N4BP2: variants seen among roughly 807,000 people sequenced by gnomAD.
N4BP2 encodes the protein NEDD4 binding protein 2, also known as NEDD4-binding protein 2.
A neutral mutation model predicts 152.8 loss-of-function variants in N4BP2; 91 were observed. That is an observed-to-expected ratio of 0.60 (90% confidence interval 0.50 to 0.71). N4BP2 has a LOEUF of 0.71. Among genes scored for constraint, N4BP2 ranks in the 30% least tolerant of loss-of-function variants. The probability of loss-of-function intolerance (pLI) is 0.00; values close to 1 mark genes in which losing one functional copy is unlikely to be tolerated. For synonymous variants in N4BP2, 646 were observed against 705.3 expected (o/e 0.92, Z 1.33); for missense variants, 1,923 against 2,059.1 (o/e 0.93, Z 1.28).
chr4:40,139,963 C>A (rs1719766265), intron 14 of N4BP2, among the ~76,000 whole-genome samples: 1 of 151,006 alleles, frequency 6.6e-6, no homozygotes, highest in Non-Finnish European at 1.5e-5. Context: ...CCACACCTGG[C>A]TAATTTTTGT....
At chr4:40,082,801 C>T (rs1025039141) in intron 2 of N4BP2, among the ~76,000 whole-genome samples, 2 of 151,852 alleles carry the variant, frequency 1.3e-5, no homozygotes, top group Non-Finnish European at 2.9e-5. Flanking sequence ...CCCGGGTTCA[C>T]GCCATTCTCC....
At chr4:40,112,999 C>T (rs191819413) in intron 6 of N4BP2, among the ~76,000 whole-genome samples, 12 of 152,316 alleles carry the variant, frequency 7.9e-5, no homozygotes, top group Admixed American at 6.5e-4. Context: ...CCACCATGTC[C>T]GGCCGAAAAT....
chr4:40,102,487 A>G lies in N4BP2; in HGVS notation c.642A>G (p.Pro214=). ...ENSGSTLSLN[P]LPSHSVLNES... Reference sequence around the variant, plus strand: ...CTGGTTCTACTTTAAGTTTAAACCCATTACCTTCACATTCAGTTTTGAACG... The same window carrying G: ...CTGGTTCTACTTTAAGTTTAAACCCGTTACCTTCACATTCAGTTTTGAACG... Residue 214 remains proline, a synonymous_variant, in exon 4 of 18, where the codon CCA becomes CCG. Coordinates refer to ENST00000261435, the MANE Select transcript of N4BP2 (RefSeq NM_018177.6). 6.2e-7 allele frequency: 1 copy of G among 1,614,176 alleles called. No individual in the cohort carries two copies.
At chr4:40,078,247 C>T (rs930759202) in intron 2 of N4BP2, among the ~76,000 whole-genome samples, 1 of 151,558 alleles carries the variant, frequency 6.6e-6, no homozygotes, top group African/African-American at 2.4e-5. Context: ...AAGAGATTCT[C>T]ATGCTTCAGT....
At chr4:40,172,191 T>C in the N4BP2 span, among the ~76,000 whole-genome samples, 2 of 152,188 alleles carry the variant, frequency 1.3e-5, no homozygotes, top group Admixed American at 6.5e-5. Context: ...TGGAATTTAC[T>C]GGTGTGAGCC....
intron 11 of N4BP2, 121 bp from the exon 12 acceptor site, chr4:40,126,012 AT>A (rs1718369367): frequency 1.8e-6 from 1 of 546,198 alleles, no homozygotes; most frequent in Non-Finnish European, 3.1e-6. Flanking sequence ...GTTGTGTTAT[AT>A]TTACAAACTG....
rs775710593 is a variant in N4BP2, at chr4:40,121,893, A to G, written c.3782A>G (p.Asp1261Gly). The change falls in exon 9 of 18, where the codon GAT (aspartate) becomes GGT (glycine). Residue 1261 changes from aspartate (D) to glycine (G), a missense_variant. Transcript: ENST00000261435. Reference protein sequence around the residue: ...PGILKATTPKDMSETEKNLVV... With the variant: ...PGILKATTPKGMSETEKNLVV... Reference sequence around the variant, plus strand: ...ATTCTAAAAGCTACTACTCCTAAAGATATGAGTGAAACAGAAAAAAACCTA... The same window carrying G: ...ATTCTAAAAGCTACTACTCCTAAAGGTATGAGTGAAACAGAAAAAAACCTA... The G allele has an allele frequency of 1.2e-6, 2 of 1,604,064 alleles. No individual in the cohort carries two copies. Among genetic ancestry groups the G allele is most frequent in the South Asian group, 2.2e-5 (2 of 89,862 alleles).
rs547540176 is a variant in N4BP2 at position 40,061,272 on chromosome 4, C to A, written c.-212+4242C>A. ...GCAACCTCTGCCTCCCAGGTTCAAG[C>A]GATTCTCCTGCCTCAGCCTCCCGAG... On this transcript the variant is annotated intron_variant, in intron 1 of 17. Transcript: ENST00000261435. 3.8e-3 allele frequency among the ~76,000 whole-genome samples: 577 copies of A among 150,864 alleles called. 5 individuals are homozygous for A. Among genetic ancestry groups the A allele is most frequent in the African/African-American group, 0.013 (551 of 41,086 alleles).
At chr4:40,073,310 A>C (rs1383340477) in intron 1 of N4BP2, 145 bp from the exon 2 acceptor site, 2 of 152,172 alleles carry the variant, frequency 1.3e-5, no homozygotes, top group African/African-American at 4.8e-5. Context: ...CAATAAGTGC[A>C]GTCTTTCTTG....
At chr4:40,104,807 C>CTTT (rs397976537) in intron 4 of N4BP2, among the ~76,000 whole-genome samples, 1 of 142,544 alleles carries the variant, frequency 7.0e-6, no homozygotes, top group African/African-American at 2.6e-5. Context: ...CCTGCGTTGT[C>CTTT]TTTTTTTTTT....
chr4:40,123,026 G>T, intron 9 of N4BP2, 101 bp from the exon 10 acceptor site: 1 of 658,724 alleles, frequency 1.5e-6, no homozygotes, highest in Non-Finnish European at 2.7e-6. Flanking sequence ...GGAATTAATA[G>T]TACAAGTTAG....
chr4:40,165,390 A>G, the N4BP2 span, among the ~76,000 whole-genome samples: 3 of 152,142 alleles, frequency 2.0e-5, no homozygotes, highest in African/African-American at 7.2e-5. Context: ...CTAGAACTAC[A>G]GGTGTGCGGC....
intron 2 of N4BP2, among the ~76,000 whole-genome samples, chr4:40,085,580 CAGAGTCGCT>C (rs1440481749): frequency 1.1e-4 from 16 of 152,098 alleles, no homozygotes; most frequent in African/African-American, 3.9e-4. Context: ...CCTAAGCTTC[CAGAGTCGCT>C]GGAATTACAG....
chr4:40,113,298 G>A (rs1457072871), intron 6 of N4BP2, 134 bp from the exon 7 acceptor site: 2 of 607,810 alleles, frequency 3.3e-6, no homozygotes, highest in Non-Finnish European at 2.9e-6. Flanking sequence ...TAAAGTGATT[G>A]TATATTTTGC....
In N4BP2 at chr4:40,121,018, T is replaced by C. The variant is rs2109996333; in HGVS notation, c.2907T>C (p.His969=). 6.2e-7 allele frequency: 1 copy of C among 1,614,128 alleles called. No individual in the cohort carries two copies. Among genetic ancestry groups the C allele is most frequent in the East Asian group, 2.2e-5 (1 of 44,868 alleles). Residue 969 remains histidine (H), a synonymous_variant, in exon 9 of 18, where the codon CAT becomes CAC. Coordinates refer to ENST00000261435, the MANE Select transcript of N4BP2 (RefSeq NM_018177.6). ...ESQTCLSKKS[H]GQHTSLPLTF... ...AGACTTGTCTAAGTAAAAAGAGTCA[T>C]GGGCAACACACATCGTTGCCTCTTA...
Position 40,142,661 on chromosome 4 carries a change from A to T in N4BP2, c.4786-12A>T. ...TTTCTGTGTGTGTTACTTATTGTTTAATATCTTATAGCCAAAGAAATTAAA... is the reference window on the plus strand; with the variant it reads ...TTTCTGTGTGTGTTACTTATTGTTTTATATCTTATAGCCAAAGAAATTAAA... On this transcript the variant is annotated splice_polypyrimidine_tract_variant and intron_variant, in intron 14 of 17. Transcript: ENST00000261435. 1 of 1,581,746 alleles carries T rather than the reference A, an allele frequency of 6.3e-7. No homozygotes were observed. Among genetic ancestry groups the T allele is most frequent in the Non-Finnish European group, 8.6e-7 (1 of 1,165,216 alleles).
chr4:40,134,379 G>A (rs986844517), intron 13 of N4BP2, among the ~76,000 whole-genome samples: 21 of 69,710 alleles, frequency 3.0e-4, no homozygotes, highest in Admixed American at 2.2e-3. Context: ...CAAAGGAGGG[G>A]GCTGGGTGTG....
intron 13 of N4BP2, among the ~76,000 whole-genome samples, chr4:40,134,898 TTCC>T (rs1168421512): frequency 1.2e-4 from 10 of 84,998 alleles, no homozygotes; most frequent in South Asian, 1.4e-3. Context: ...CCTTCCTTCC[TTCC>T]TTTCTCTCTC....
intron 2 of N4BP2, among the ~76,000 whole-genome samples, chr4:40,079,689 C>G (rs533327925): frequency 6.6e-6 from 1 of 152,034 alleles, no homozygotes; most frequent in Non-Finnish European, 1.5e-5. Context: ...ATAGCCCTTG[C>G]TGCTTGGGAG....
Sources: gnomAD v4.1 joint callset for allele counts (sites outside exome capture counted in the v4.1 genomes callset) on GRCh38, gnomAD v4.1.1 for gene constraint, MANE v1.5 for transcripts, NCBI Gene and HGNC (gene_info 2026-07-23, HGNC 2026-07-21) for gene names.